Variants in STAB1 observed in about 807,000 individuals in gnomAD.
STAB1 encodes stabilin 1.
A neutral mutation model predicts 332.4 loss-of-function variants in STAB1; 250 were observed. That is an observed-to-expected ratio of 0.75 (90% CI 0.68 to 0.84). The LOEUF (loss-of-function observed/expected upper bound fraction) is 0.84, where lower values mean the gene tolerates loss of function less well. Ranked by LOEUF, STAB1 falls within the 40% of genes least tolerant of loss-of-function variation. The pLI is 0.00. For synonymous variants in STAB1, 1,475 were observed against 1,390.4 expected (o/e 1.06, Z -1.35); for missense variants, 3,249 against 3,489.7 (o/e 0.93, Z 1.74).
In STAB1 at chr3:52,516,789, A is replaced by G. The variant is rs746742493; in HGVS notation, c.4363+21A>G. On this transcript the variant is annotated intron_variant, in intron 41 of 68. Transcript: ENST00000321725. ...TTCAGGTCCAGCCACACGGATGCCC[A>G]GGGCCCTCCCTGAAATTTTGGGGTG... 19 of 1,601,592 alleles carry G rather than the reference A, an allele frequency of 1.2e-5. No homozygotes were observed. The African/African-American group carries it at 2.6e-4, about 22-fold the overall frequency.
chr3:52,503,717 C>T (rs1708624067), intron 8 of STAB1, 55 bp from the exon 9 acceptor site: 1 of 1,608,496 alleles, frequency 6.2e-7, no homozygotes, highest in African/African-American at 1.3e-5. Context: ...AGGGCAGACA[C>T]CAGTGGTTCT....
intron 26 of STAB1, 81 bp from the exon 27 acceptor site, chr3:52,512,260 G>A: frequency 6.6e-6 from 9 of 1,371,816 alleles, no homozygotes; most frequent in Non-Finnish European, 9.3e-6. Context: ...CTGGGTGGCT[G>A]GACAGGCAGA....
rs369444714 is a variant in STAB1 at position 52,505,807 on chromosome 3, C to T, written c.1695+26C>T. 1.1e-4 allele frequency: 185 copies of T among 1,613,622 alleles called. 1 individual carries two copies. Among genetic ancestry groups the T allele is most frequent in the Non-Finnish European group, 1.5e-4 (176 of 1,179,938 alleles). On this transcript the variant is annotated intron_variant, in intron 15 of 68. Coordinates refer to ENST00000321725, the MANE Select transcript of STAB1 (RefSeq NM_015136.3). ...GTAAGCTCAGCGGGAGAAGGGGCTG[C>T]GGGTATGGGGGCACCAGGACCTCCA...
In STAB1 at chr3:52,512,653, G is replaced by A. The variant is rs753995984; in HGVS notation, c.3027+10G>A. ...CTACCAATGGCTTAAGGTAGGACAG[G>A]GCAGAATGCTGGGGTTGAGGGCTCA... On this transcript the variant is annotated intron_variant, in intron 28 of 68. Transcript: ENST00000321725. 3.7e-6 allele frequency: 6 copies of A among 1,613,666 alleles called. No individual in the cohort carries two copies. In the South Asian group the frequency reaches 6.6e-5, roughly 18 times the overall value.
rs766116721 is a variant in STAB1 at position 52,517,393 on chromosome 3, G to T, written c.4563G>T (p.Gln1521His). ...HAECIPTGPQQVSCSCREGYS... is the reference protein window; with the variant it reads ...HAECIPTGPQHVSCSCREGYS... ...AGTGCATCCCCACTGGCCCCCAGCAGGTCAGCATGGCAGGGTTGGACATGG... is the reference window on the plus strand; with the variant it reads ...AGTGCATCCCCACTGGCCCCCAGCATGTCAGCATGGCAGGGTTGGACATGG... Residue 1521 changes from glutamine to histidine, a missense_variant and splice_region_variant, in exon 43 of 69, where the codon CAG becomes CAT. Coordinates refer to ENST00000321725, the MANE Select transcript of STAB1 (RefSeq NM_015136.3). The T allele has an allele frequency of 6.2e-7, 1 of 1,601,658 alleles. No individual in the cohort carries two copies. Among genetic ancestry groups the T allele is most frequent in the Non-Finnish European group, 8.5e-7 (1 of 1,174,546 alleles).
At chr3:52,506,091 G>A (rs1708839784) in intron 16 of STAB1, 79 bp from the exon 17 acceptor site, 3 of 1,528,084 alleles carry the variant, frequency 2.0e-6, no homozygotes, top group Non-Finnish European at 2.7e-6. Flanking sequence ...GGGTGGCTGT[G>A]AGCCTCCTGG....
At chr3:52,499,183 C>T (rs1708254430) in intron 1 of STAB1, among the ~76,000 whole-genome samples, 2 of 152,256 alleles carry the variant, frequency 1.3e-5, no homozygotes, top group South Asian at 4.1e-4. Context: ...GCCTCCCAAA[C>T]ACCTCCCCTC....
intron 18 of STAB1, 110 bp from the exon 19 acceptor site, chr3:52,507,503 G>A: frequency 8.6e-7 from 1 of 1,167,498 alleles, no homozygotes. Flanking sequence ...GGCTTCCTGT[G>A]GTTGGCTCTT....
At position 52,521,428 on chromosome 3, in the gene STAB1, T is replaced by A. The variant is rs577898345; in HGVS notation, c.5976T>A (p.Ser1992Arg). 83 of 1,614,020 alleles carry A rather than the reference T, an allele frequency of 5.1e-5. No homozygotes were observed. In the East Asian group the frequency reaches 1.8e-3, roughly 34 times the overall value. ...TGTGCATGGACGGCATGAGTGGCAGTGGGCAGTGTCTGTGCCGTTCAGGTT... is the reference window on the plus strand; with the variant it reads ...TGTGCATGGACGGCATGAGTGGCAGAGGGCAGTGTCTGTGCCGTTCAGGTT... The part of the protein sequence containing the change: ...RGVCMDGMSG[S>R]GQCLCRSGFA... The change falls in exon 56 of 69, where the codon AGT becomes AGA. Residue 1992 changes from serine (S) to arginine (R), a missense_variant. Transcript: ENST00000321725.
intron 47 of STAB1, 21 bp downstream of exon 47, chr3:52,518,634 G>A: frequency 6.2e-7 from 1 of 1,610,028 alleles, no homozygotes; most frequent in Non-Finnish European, 8.5e-7. Context: ...CCCAGAGCGA[G>A]GCTGGGCAGG....
chr3:52,520,635 CT>C lies in STAB1; in HGVS notation c.5650-5del, dbSNP rs2079041225. 6.2e-7 allele frequency: 1 copy of C among 1,612,258 alleles called. No individual in the cohort carries two copies. Among genetic ancestry groups the C allele is most frequent in the African/African-American group, 1.3e-5 (1 of 74,794 alleles). ...GACTTTGCTGTATTGGCCTCCCTCC[CT>C]TCCAGAACACCTGCAGCATCTGTGG... On this transcript the variant is annotated splice_polypyrimidine_tract_variant and splice_region_variant and intron_variant, in intron 53 of 68. Coordinates refer to ENST00000321725, the MANE Select transcript of STAB1 (RefSeq NM_015136.3).
intron 26 of STAB1, 149 bp from the exon 27 acceptor site, chr3:52,512,192 C>G (rs569419076): frequency 6.4e-6 from 5 of 778,794 alleles, no homozygotes; most frequent in African/African-American, 1.7e-5. Flanking sequence ...CTAGGCACAC[C>G]GAAGGAGTGC....
In STAB1 at chr3:52,519,121, C is replaced by T. The variant is rs1454994185; in HGVS notation, c.5035-143C>T. On this transcript the variant is annotated intron_variant, in intron 48 of 68. Transcript: ENST00000321725. ...CCCCTGCCCTGACTCCGCCCCAGAC[C>T]CCGCCCACCTCGTCCTGGTCCCGAA... 5 of 1,193,158 alleles carry T rather than the reference C, an allele frequency of 4.2e-6. No homozygotes were observed. In the East Asian group the frequency reaches 7.0e-5, roughly 17 times the overall value. The allele number at this position is 1,193,158 out of a possible 1,614,324, so 73.9% of individuals were successfully genotyped here.
At chr3:52,522,519 G>A in intron 60 of STAB1, 36 bp from the exon 61 acceptor site, 1 of 1,613,036 alleles carries the variant, frequency 6.2e-7, no homozygotes, top group Non-Finnish European at 8.5e-7. Flanking sequence ...ATTCCTCAGA[G>A]CCGGCCAGCT....
At chr3:52,507,853 C>A in intron 19 of STAB1, 78 bp from the exon 20 acceptor site, 1 of 1,500,780 alleles carries the variant, frequency 6.7e-7, no homozygotes, top group Non-Finnish European at 9.2e-7. Flanking sequence ...GGGCAGAGGT[C>A]CCTTAACCAG....
At position 52,504,033 on chromosome 3, in the gene STAB1, T is replaced by C; in HGVS notation, c.1028T>C (p.Val343Ala). 6.2e-7 allele frequency: 1 copy of C among 1,603,400 alleles called. No individual in the cohort carries two copies. Among genetic ancestry groups the C allele is most frequent in the Admixed American group, 1.7e-5 (1 of 58,196 alleles). The stretch of plus-strand genomic sequence containing the variant: ...GGCTCTCCCTGGGAGCCCAGCTGTG[T>C]GTGCAGGGAAAGCGAGGTGGGGGAT... ...QVTADGKTSC[V>A]CRESEVGDGR... Residue 343 changes from valine to alanine, a missense_variant, in exon 10 of 69, where the codon GTG becomes GCG. Coordinates refer to ENST00000321725, the MANE Select transcript of STAB1 (RefSeq NM_015136.3).
chr3:52,507,770 G>C (rs1708984102), intron 19 of STAB1, 95 bp downstream of exon 19: 1 of 1,545,940 alleles, frequency 6.5e-7, no homozygotes, highest in Non-Finnish European at 8.9e-7. Context: ...GCAGAGGCTG[G>C]GAGGCTAGAT....
In STAB1 at chr3:52,505,657, C is replaced by T; in HGVS notation, c.1582-11C>T. 2 of 1,612,748 alleles carry T rather than the reference C, an allele frequency of 1.2e-6. No individual in the cohort carries two copies. Among genetic ancestry groups the T allele is most frequent in the South Asian group, 1.1e-5 (1 of 91,008 alleles). On this transcript the variant is annotated splice_polypyrimidine_tract_variant and intron_variant, in intron 14 of 68. Coordinates refer to ENST00000321725, the MANE Select transcript of STAB1 (RefSeq NM_015136.3). ...CATGCAACCCCCTGAGCCTCCCTTGCACCACCACAGAACTGTGGGCTGCCC... is the reference window on the plus strand; with the variant it reads ...CATGCAACCCCCTGAGCCTCCCTTGTACCACCACAGAACTGTGGGCTGCCC...
chr3:52,497,054 G>A (rs1016406127), intron 1 of STAB1, among the ~76,000 whole-genome samples: 1 of 152,140 alleles, frequency 6.6e-6, no homozygotes, highest in Admixed American at 6.5e-5. Context: ...CAGGCTGGAG[G>A]GCAGTGGCGT....
Sources: gnomAD v4.1 joint callset for allele counts (sites outside exome capture counted in the v4.1 genomes callset) on GRCh38, gnomAD v4.1.1 for gene constraint, MANE v1.5 for transcripts, NCBI Gene and HGNC (gene_info 2026-07-23, HGNC 2026-07-21) for gene names.